Variants in AGBL1 observed in about 807,000 individuals in gnomAD.
The protein encoded by AGBL1 is AGBL carboxypeptidase 1.
In AGBL1, 130 loss-of-function variants were observed where a neutral mutation model predicts 118.9. The observed-to-expected ratio is 1.09, with a 90% confidence interval of 0.95 to 1.26. AGBL1 has a LOEUF of 1.26. Ranked by LOEUF, AGBL1 falls within the 50% of genes most tolerant of loss-of-function variation. The probability of loss-of-function intolerance (pLI) is 0.00; values close to 1 mark genes in which losing one functional copy is unlikely to be tolerated. For synonymous variants in AGBL1, 555 were observed against 478.9 expected (o/e 1.16, Z -2.08); for missense variants, 1,584 against 1,298.1 (o/e 1.22, Z -3.38).
At chr15:86,745,959 G>A (rs916169844) in intron 22 of AGBL1, among the ~76,000 whole-genome samples, 7 of 152,020 alleles carry the variant, frequency 4.6e-5, no homozygotes, top group African/African-American at 1.7e-4. Flanking sequence ...TCTCTTTCAG[G>A]TAGAGAATAC....
chr15:86,508,709 A>G (rs556061140), intron 18 of AGBL1, among the ~76,000 whole-genome samples: 23 of 152,282 alleles, frequency 1.5e-4, no homozygotes, highest in Admixed American at 7.2e-4. Context: ...ACTGAGATCC[A>G]TTAAATGTAG....
intron 22 of AGBL1, among the ~76,000 whole-genome samples, chr15:86,777,393 C>A (rs562968694): frequency 6.6e-6 from 1 of 151,668 alleles, no homozygotes; most frequent in South Asian, 2.1e-4. Flanking sequence ...TGTGCCTCCC[C>A]TTTCCTTCTT....
intron 16 of AGBL1, among the ~76,000 whole-genome samples, chr15:86,287,996 A>G (rs577846627): frequency 1.9e-4 from 29 of 152,280 alleles, no homozygotes; most frequent in African/African-American, 6.3e-4. Flanking sequence ...AACATTTTCT[A>G]AGCACTTTGG....
chr15:86,370,395 C>T (rs557240418), intron 17 of AGBL1, among the ~76,000 whole-genome samples: 1 of 151,450 alleles, frequency 6.6e-6, no homozygotes, highest in Admixed American at 6.6e-5. Context: ...ACCTCCACCT[C>T]CCGGGTTCAA....
chr15:86,543,713 A>G (rs2083536335), intron 19 of AGBL1, among the ~76,000 whole-genome samples: 1 of 152,226 alleles, frequency 6.6e-6, no homozygotes, highest in Non-Finnish European at 1.5e-5. Flanking sequence ...GAGCAGAACC[A>G]GGGTCTAATC....
intron 17 of AGBL1, among the ~76,000 whole-genome samples, chr15:86,396,202 CAT>C (rs1483706057): frequency 7.0e-6 from 1 of 141,864 alleles, no homozygotes; most frequent in Admixed American, 7.2e-5. Flanking sequence ...TATATAAAAT[CAT>C]ATACGTGTGT....
chr15:86,160,974 C>A (rs930140826), intron 5 of AGBL1, among the ~76,000 whole-genome samples: 1 of 152,278 alleles, frequency 6.6e-6, no homozygotes, highest in African/African-American at 2.4e-5. Context: ...GCATAGAAAC[C>A]TCTTCCTCAG....
intron 1 of AGBL1, among the ~76,000 whole-genome samples, chr15:86,100,008 T>C (rs141426126): frequency 0.011 from 1,606 of 152,280 alleles, 41 homozygotes; most frequent in African/African-American, 0.037. Context: ...GTTTCTTCTA[T>C]GTTTAATTTT....
intron 1 of AGBL1, among the ~76,000 whole-genome samples, chr15:86,100,681 C>T (rs1169436694): frequency 1.3e-5 from 2 of 151,920 alleles, no homozygotes; most frequent in Non-Finnish European, 1.5e-5. Flanking sequence ...TGATGATCTT[C>T]GTATTTCTGT....
At chr15:86,417,141 G>C (rs924780961) in intron 18 of AGBL1, among the ~76,000 whole-genome samples, 1 of 152,194 alleles carries the variant, frequency 6.6e-6, no homozygotes, top group African/African-American at 2.4e-5. Context: ...CATGTCTGTA[G>C]TGTGTGAACT....
chr15:86,132,108 A>G (rs1234388823), intron 1 of AGBL1, among the ~76,000 whole-genome samples: 1 of 152,180 alleles, frequency 6.6e-6, no homozygotes, highest in Non-Finnish European at 1.5e-5. Context: ...GTACCCGAGT[A>G]GCGGAGTACC....
chr15:86,897,450 G>T (rs917432422), intron 22 of AGBL1, among the ~76,000 whole-genome samples: 2 of 151,726 alleles, frequency 1.3e-5, no homozygotes, highest in Non-Finnish European at 2.9e-5. Context: ...CCATTACATT[G>T]ATCCTTTATT....
At chr15:86,696,883 C>T (rs11855868) in intron 22 of AGBL1, among the ~76,000 whole-genome samples, 1 of 151,648 alleles carries the variant, frequency 6.6e-6, no homozygotes, top group Non-Finnish European at 1.5e-5. Context: ...ATACAAAATT[C>T]TTGGTTGATA....
At chr15:86,789,425 G>C (rs1482366022) in intron 22 of AGBL1, among the ~76,000 whole-genome samples, 1 of 152,172 alleles carries the variant, frequency 6.6e-6, no homozygotes, top group African/African-American at 2.4e-5. Flanking sequence ...TTGCTGCCAG[G>C]TTGTTTAAAT....
chr15:86,658,684 T>A (rs1460892877), intron 21 of AGBL1, among the ~76,000 whole-genome samples: 1 of 152,192 alleles, frequency 6.6e-6, no homozygotes, highest in South Asian at 2.1e-4. Flanking sequence ...AAATCTTATA[T>A]GGGCATGTGG....
intron 18 of AGBL1, among the ~76,000 whole-genome samples, chr15:86,413,496 A>G (rs962884549): frequency 6.6e-6 from 1 of 152,164 alleles, no homozygotes; most frequent in Non-Finnish European, 1.5e-5. Context: ...TCAACAGTCT[A>G]TAAGTGGTCC....
intron 19 of AGBL1, among the ~76,000 whole-genome samples, chr15:86,528,536 C>T (rs1460011500): frequency 6.7e-6 from 1 of 149,006 alleles, no homozygotes; most frequent in African/African-American, 2.5e-5. Context: ...GGGGGAGGGG[C>T]GCCGGCCATT....
chr15:86,227,580 G>T lies in AGBL1; in HGVS notation c.526+2629G>T, dbSNP rs146287656. Among the ~76,000 whole-genome samples, 7 of 152,346 alleles carry T rather than the reference G, an allele frequency of 4.6e-5. No homozygotes were observed. The East Asian group carries it at 1.4e-3, about 29-fold the overall frequency. On this transcript the variant is annotated intron_variant, in intron 6 of 22. Transcript: ENST00000614907. ...CAGACTCTGCCAAATATCCCCCATG[G>T]GGGGTGGACAGTAAAATTTCCACTT... is the stretch of plus-strand genomic sequence containing the variant.
At chr15:86,831,632 T>C (rs1270136133) in intron 22 of AGBL1, among the ~76,000 whole-genome samples, 1 of 152,238 alleles carries the variant, frequency 6.6e-6, no homozygotes, top group East Asian at 1.9e-4. Flanking sequence ...CCCATGGTCT[T>C]GGGCAGCTCT....
Sources: allele counts gnomAD v4.1 joint callset (sites outside exome capture counted in the v4.1 genomes callset), GRCh38; gene constraint gnomAD v4.1.1; transcripts MANE v1.5; gene names NCBI Gene and HGNC (gene_info 2026-07-23, HGNC 2026-07-21).